Variants in NREP observed in about 807,000 individuals in gnomAD.
The protein encoded by NREP is neuronal regeneration-related protein.
In NREP, 5 loss-of-function variants were observed where a neutral mutation model predicts 8.6. That is an observed-to-expected ratio of 0.58 (90% confidence interval 0.30 to 1.22). The LOEUF is 1.22. Ranked by LOEUF, NREP falls within the 50% of genes most tolerant of loss-of-function variation. The pLI is 0.07. For synonymous variants in NREP, 27 were observed against 28.0 expected, an observed-to-expected ratio of 0.96 and a Z score of 0.11; for missense variants, 86 against 82.5, an observed-to-expected ratio of 1.04 and a Z score of -0.17.
chr5:111,909,624 G>A (rs1473387005), intron 2 of NREP, among the ~76,000 whole-genome samples: 1 of 152,058 alleles, frequency 6.6e-6, no homozygotes, highest in African/African-American at 2.4e-5. Context: ...CCACCAAAGA[G>A]AGAACAGATA....
chr5:111,922,807 G>A (rs751459667), intron 2 of NREP, among the ~76,000 whole-genome samples: 7 of 152,066 alleles, frequency 4.6e-5, no homozygotes, highest in Admixed American at 1.3e-4. Flanking sequence ...GTGAATCTGC[G>A]AGAAATGGCC....
At chr5:111,942,967 C>A (rs1755872521) in intron 2 of NREP, among the ~76,000 whole-genome samples, 2 of 151,852 alleles carry the variant, frequency 1.3e-5, no homozygotes, top group Non-Finnish European at 2.9e-5. Context: ...GCATCTGGCA[C>A]TAGGCAGCAC....
chr5:111,753,372 T>C (rs1433186719), intron 2 of NREP, among the ~76,000 whole-genome samples: 10 of 147,716 alleles, frequency 6.8e-5, no homozygotes, highest in African/African-American at 2.5e-4. Context: ...ATATGATATG[T>C]AGATATATAT....
chr5:111,824,057 C>T (rs1034473768), intron 2 of NREP, among the ~76,000 whole-genome samples: 6 of 152,062 alleles, frequency 3.9e-5, no homozygotes, highest in African/African-American at 1.4e-4. Context: ...GTAAGAGTGG[C>T]ACTAATGGAA....
chr5:111,910,092 T>A (rs1488976167), intron 2 of NREP, among the ~76,000 whole-genome samples: 1 of 152,128 alleles, frequency 6.6e-6, no homozygotes, highest in African/African-American at 2.4e-5. Flanking sequence ...ACTGAATTTG[T>A]TGTAGACTAA....
In NREP at chr5:111,891,134, G is replaced by A. The variant is rs370636373; in HGVS notation, c.135+84140C>T. On this transcript the variant is annotated intron_variant, in intron 2 of 3. Transcript: ENST00000395634. Reference sequence around the variant, plus strand: ...TGAGCACAGGCTATTAGATGCAGTCGTGCCATGTCTAGAACACTTGGCTGC... The same window carrying A: ...TGAGCACAGGCTATTAGATGCAGTCATGCCATGTCTAGAACACTTGGCTGC... Among the ~76,000 whole-genome samples, 11 of 152,238 alleles carry A rather than the reference G, an allele frequency of 7.2e-5. No homozygotes were observed. In the South Asian group the frequency reaches 1.0e-3, roughly 14 times the overall value.
At chr5:111,791,993 T>C (rs1306442046) in intron 2 of NREP, among the ~76,000 whole-genome samples, 3 of 152,210 alleles carry the variant, frequency 2.0e-5, no homozygotes, top group South Asian at 4.1e-4. Context: ...TCCCTAGAAT[T>C]ACCTGGAACA....
At chr5:111,895,694 G>T (rs2112540151) in intron 2 of NREP, among the ~76,000 whole-genome samples, 1 of 152,198 alleles carries the variant, frequency 6.6e-6, no homozygotes, top group African/African-American at 2.4e-5. Context: ...GCAGGGTGCT[G>T]TCCTGTATCT....
chr5:111,764,823 A>G (rs1430473039), intron 2 of NREP, among the ~76,000 whole-genome samples: 1 of 152,236 alleles, frequency 6.6e-6, no homozygotes, highest in African/African-American at 2.4e-5. Flanking sequence ...GTCCTCTGGA[A>G]TTCATAGAAG....
chr5:111,883,193 C>A (rs1422859490), intron 2 of NREP, among the ~76,000 whole-genome samples: 1 of 152,168 alleles, frequency 6.6e-6, no homozygotes, highest in Non-Finnish European at 1.5e-5. Flanking sequence ...TCTGATAAAA[C>A]AGACTTTAAA....
At chr5:111,922,554 G>C (rs1314296281) in intron 2 of NREP, among the ~76,000 whole-genome samples, 1 of 152,134 alleles carries the variant, frequency 6.6e-6, no homozygotes, top group African/African-American at 2.4e-5. Flanking sequence ...CATTCTCTGA[G>C]CTCGATGGAG....
chr5:111,971,084 T>C lies in NREP; in HGVS notation c.135+4190A>G, dbSNP rs533148966. Reference sequence around the variant, plus strand: ...CTAGTCCGGGTATATATTTATTATTTACTTATTTACACAGGAATTCAATAG... The same window carrying C: ...CTAGTCCGGGTATATATTTATTATTCACTTATTTACACAGGAATTCAATAG... On this transcript the variant is annotated intron_variant, in intron 2 of 3. Transcript: ENST00000395634. Among the ~76,000 whole-genome samples, 12 of 152,326 alleles carry C rather than the reference T, an allele frequency of 7.9e-5. 1 individual carries two copies. Among genetic ancestry groups the C allele is most frequent in the African/African-American group, 2.6e-4 (11 of 41,572 alleles).
At chr5:111,741,824 T>TACACACACACACACAC (rs112980817) in intron 2 of NREP, among the ~76,000 whole-genome samples, 4 of 73,486 alleles carry the variant, frequency 5.4e-5, no homozygotes, top group African/African-American at 1.6e-4. Flanking sequence ...AACACACACA[T>TACACACACACACACAC]ACACACACAC....
At chr5:111,911,138 C>A (rs759650910) in intron 2 of NREP, among the ~76,000 whole-genome samples, 1 of 152,012 alleles carries the variant, frequency 6.6e-6, no homozygotes, top group Non-Finnish European at 1.5e-5. Flanking sequence ...ACCCAGCAAT[C>A]TGGATATCAC....
chr5:111,952,351 C>A (rs887380731), intron 2 of NREP, among the ~76,000 whole-genome samples: 1 of 152,100 alleles, frequency 6.6e-6, no homozygotes, highest in South Asian at 2.1e-4. Context: ...GGGTGATGTT[C>A]CCTGTCAAGG....
chr5:111,906,630 C>T (rs1359942089), intron 2 of NREP, among the ~76,000 whole-genome samples: 1 of 152,088 alleles, frequency 6.6e-6, no homozygotes, highest in African/African-American at 2.4e-5. Flanking sequence ...ACTGCTCACT[C>T]TACGGGGCTC....
At chr5:111,905,101 A>G (rs1754747617) in intron 2 of NREP, among the ~76,000 whole-genome samples, 1 of 152,088 alleles carries the variant, frequency 6.6e-6, no homozygotes, top group African/African-American at 2.4e-5. Flanking sequence ...ACACCAATAA[A>G]TTTGTATGTT....
intron 2 of NREP, among the ~76,000 whole-genome samples, chr5:111,751,945 GT>G (rs1403198026): frequency 1.3e-5 from 2 of 152,188 alleles, no homozygotes; most frequent in Non-Finnish European, 2.9e-5. Context: ...AGGATCCCCA[GT>G]CAGCCCAGTG....
intron 2 of NREP, among the ~76,000 whole-genome samples, chr5:111,930,432 G>T (rs1395697214): frequency 3.3e-5 from 5 of 152,104 alleles, no homozygotes; most frequent in Non-Finnish European, 7.4e-5. Context: ...ACTGGATATT[G>T]TTAAAAATGT....
Sources: allele counts gnomAD v4.1 joint callset (sites outside exome capture counted in the v4.1 genomes callset), GRCh38; gene constraint gnomAD v4.1.1; transcripts MANE v1.5; gene names NCBI Gene and HGNC (gene_info 2026-07-23, HGNC 2026-07-21).